The following SEMA4D variants were observed in gnomAD, a reference collection of about 807,000 sequenced individuals.
SEMA4D encodes the protein semaphorin 4D, also known as semaphorin-4D.
A neutral mutation model predicts 74.8 loss-of-function variants in SEMA4D; 22 were observed. The observed-to-expected ratio is 0.29, with a 90% CI of 0.21 to 0.42. The LOEUF is 0.42. Among genes scored for constraint, SEMA4D ranks in the 10% least tolerant of loss-of-function variants. SEMA4D has a pLI of 1.00. For missense variants in SEMA4D, 937 were observed against 1,118.4 expected, an observed-to-expected ratio of 0.84 and a Z score of 2.31; for synonymous variants, 445 against 463.7, an observed-to-expected ratio of 0.96 and a Z score of 0.52.
rs1836979960 is a variant in SEMA4D, at chr9:89,381,232, C to T, written c.1561G>A (p.Ala521Thr). The T allele has an allele frequency of 2.5e-6, 4 of 1,606,568 alleles. No homozygotes were observed. Among genetic ancestry groups the T allele is most frequent in the Non-Finnish European group, 1.7e-6 (2 of 1,174,298 alleles). The change falls in exon 14 of 16, where the codon GCC becomes ACC. Residue 521 changes from alanine (A) to threonine (T), a missense_variant. Transcript: ENST00000422704. This position sits in a 1 kb window ranked among gnomAD's most constrained non-coding sequence, Gnocchi z 4.6. ...CAGGTCGCTGTGGGCGGGCTCCAGG[C>T]GCAGTAGGGGTCCCGCGCCAGCACA... is the stretch of plus-strand genomic sequence containing the variant. ...DCVLARDPYC[A>T]WSPPTATCVA...
intron 2 of SEMA4D, among the ~76,000 whole-genome samples, chr9:89,417,636 A>C (rs1845994190): frequency 6.6e-6 from 1 of 152,208 alleles, no homozygotes; most frequent in Non-Finnish European, 1.5e-5. Context: ...AAATGGCCCA[A>C]ATCTGAGGAG....
At chr9:89,416,878 T>C (rs1232615026) in intron 2 of SEMA4D, among the ~76,000 whole-genome samples, 2 of 152,254 alleles carry the variant, frequency 1.3e-5, no homozygotes, top group African/African-American at 4.8e-5. Context: ...ATTTTTCACA[T>C]GCTAATCCAT....
chr9:89,387,686 CA>C (rs1327321866), intron 11 of SEMA4D, 78 bp from the exon 12 acceptor site: 3 of 1,279,518 alleles, frequency 2.3e-6, no homozygotes, highest in South Asian at 1.2e-5. Flanking sequence ...GCAGCCAACG[CA>C]GGGGGGGCTG....
In SEMA4D at chr9:89,362,238, C is replaced by T. The variant is rs974488954; in HGVS notation, c.*164G>A. 2.0e-5 allele frequency: 24 copies of T among 1,220,610 alleles called. No individual in the cohort carries two copies. The East Asian group carries it at 3.3e-4, about 17-fold the overall frequency. 75.6% of individuals were successfully genotyped at this position (1,220,610 alleles called of 1,614,324 possible). ...TGGGTTCCAGGCTTCTCCACTGTCCCGCCTCTGCCCATCAGGTGGTGGCCC... is the reference window on the plus strand; with the variant it reads ...TGGGTTCCAGGCTTCTCCACTGTCCTGCCTCTGCCCATCAGGTGGTGGCCC... On this transcript the variant is annotated 3_prime_UTR_variant, in exon 19 of 19. Coordinates refer to the SEMA4D transcript ENST00000339861.
intron 16 of SEMA4D, among the ~76,000 whole-genome samples, chr9:89,366,866 C>CT (rs1267884905): frequency 6.6e-6 from 1 of 152,178 alleles, no homozygotes; most frequent in Admixed American, 6.5e-5. Context: ...ACTGGAGTCA[C>CT]TGAGTCACAG....
At chr9:89,389,922 T>C (rs553666750) in intron 9 of SEMA4D, among the ~76,000 whole-genome samples, 3 of 152,148 alleles carry the variant, frequency 2.0e-5, no homozygotes, top group African/African-American at 7.2e-5. Flanking sequence ...GAAGGGTTCA[T>C]GTGTGCCTGC....
At chr9:89,423,345 C>T (rs140886818) in intron 2 of SEMA4D, among the ~76,000 whole-genome samples, 3 of 152,224 alleles carry the variant, frequency 2.0e-5, no homozygotes, top group African/African-American at 4.8e-5. Context: ...GCATGTGCCA[C>T]CATGCCTGGC....
chr9:89,459,031 C>T (rs887258274), intron 1 of SEMA4D, among the ~76,000 whole-genome samples: 2 of 152,212 alleles, frequency 1.3e-5, no homozygotes, highest in Admixed American at 1.3e-4. Context: ...CCCAAGGGAG[C>T]TGCAGCCCAG....
At position 89,381,022 on chromosome 9, in the gene SEMA4D, C is replaced by A; in HGVS notation, c.1663+33G>T. On this transcript the variant is annotated intron_variant, in intron 15 of 15. Transcript: ENST00000422704. The surrounding 1 kb of genome is among the most constrained non-coding windows in gnomAD (Gnocchi z 4.6). Reference sequence around the variant, plus strand: ...AAATGGCTACAAGACCTCGCCACTCCCAAAGGAAATGGGACGTCGAGGAGT... The same window carrying A: ...AAATGGCTACAAGACCTCGCCACTCACAAAGGAAATGGGACGTCGAGGAGT... The A allele has an allele frequency of 6.2e-7, 1 of 1,613,896 alleles. No homozygotes were observed. The highest frequency in any genetic ancestry group is 8.5e-7 in the Non-Finnish European group (1 of 1,179,936).
At chr9:89,491,473 C>T (rs1458868683) in intron 1 of SEMA4D, among the ~76,000 whole-genome samples, 1 of 152,054 alleles carries the variant, frequency 6.6e-6, no homozygotes, top group Non-Finnish European at 1.5e-5. Flanking sequence ...AGGAGGCTGA[C>T]GCAGGTGAAT....
At chr9:89,387,288 G>A (rs900554438) in intron 12 of SEMA4D, 98 bp downstream of exon 12, 5 of 1,043,004 alleles carry the variant, frequency 4.8e-6, no homozygotes, top group Admixed American at 2.5e-5. Flanking sequence ...GGGAGGCAAT[G>A]GAACTACTCA....
chr9:89,406,792 C>A (rs776110564), intron 2 of SEMA4D, among the ~76,000 whole-genome samples: 1 of 152,186 alleles, frequency 6.6e-6, no homozygotes, highest in Non-Finnish European at 1.5e-5. Context: ...GAGCTCCAGA[C>A]TCTAGAACCC....
intron 1 of SEMA4D, among the ~76,000 whole-genome samples, chr9:89,461,700 C>CTCTCTTTTTTTTTTTTTTT (rs71281350): frequency 9.6e-6 from 1 of 103,646 alleles, no homozygotes; most frequent in African/African-American, 3.5e-5. Context: ...TCTTTTTTCT[C>CTCTCTTTTTTTTTTTTTTT]TTTTTTTTTT....
exon 19 of SEMA4D, chr9:89,362,362 G>C (rs1475907562): frequency 3.1e-6 from 5 of 1,614,116 alleles, no homozygotes; most frequent in Non-Finnish European, 1.7e-6. Context: ...GCAGGGTCTT[G>C]TTGGGGTTGA....
At chr9:89,396,487 C>T (rs113343145) in intron 6 of SEMA4D, among the ~76,000 whole-genome samples, 4,864 of 152,356 alleles carry the variant, frequency 0.032, 258 homozygotes, top group African/African-American at 0.11. Flanking sequence ...GCACCTTGAG[C>T]TGCACCCCAG....
intron 2 of SEMA4D, among the ~76,000 whole-genome samples, chr9:89,424,031 CCTCCCTCAGCTA>C (rs1847595557): frequency 6.6e-6 from 1 of 150,462 alleles, no homozygotes; most frequent in Admixed American, 6.6e-5. Context: ...CAGTACCTCT[CCTCCCTCAGCTA>C]CTCCCTCAGC....
chr9:89,371,331 GTGTC>G (rs1434108458), intron 16 of SEMA4D, among the ~76,000 whole-genome samples: 6 of 134,818 alleles, frequency 4.5e-5, no homozygotes, highest in Non-Finnish European at 8.0e-5. Flanking sequence ...GGGTTGGTGT[GTGTC>G]TGGAGTGTGG....
intron 2 of SEMA4D, among the ~76,000 whole-genome samples, chr9:89,421,315 G>A (rs1165189827): frequency 1.3e-5 from 2 of 152,198 alleles, no homozygotes; most frequent in African/African-American, 4.8e-5. Context: ...CCTCGATGGG[G>A]TAGGCATGCA....
intron 1 of SEMA4D, among the ~76,000 whole-genome samples, chr9:89,496,837 A>T (rs1826056660): frequency 6.6e-6 from 1 of 152,198 alleles, no homozygotes; most frequent in South Asian, 2.1e-4. Context: ...CGTCACCCCC[A>T]GGAAAGGAAA....
Sources: allele counts gnomAD v4.1 joint callset (sites outside exome capture counted in the v4.1 genomes callset), GRCh38; gene constraint gnomAD v4.1.1; non-coding constraint Gnocchi (gnomAD v3.1); transcripts MANE v1.5; gene names NCBI Gene and HGNC (gene_info 2026-07-23, HGNC 2026-07-21).